Variants in FOXP1 observed in about 807,000 individuals in gnomAD.
FOXP1 encodes the protein forkhead box protein P1.
A neutral mutation model predicts 98.2 loss-of-function variants in FOXP1; 15 were observed. That is an observed-to-expected ratio of 0.15 (90% confidence interval 0.10 to 0.24). The LOEUF (loss-of-function observed/expected upper bound fraction) is 0.24, where lower values mean the gene tolerates loss of function less well. Ranked by LOEUF, FOXP1 falls within the 10% of genes least tolerant of loss-of-function variation. The pLI is 1.00. For synonymous variants in FOXP1, 371 were observed against 314.5 expected (o/e 1.18, Z -1.90); for missense variants, 633 against 848.5 (o/e 0.75, Z 3.15).
chr3:71,078,123 C>A (rs1226277476), intron 7 of FOXP1, among the ~76,000 whole-genome samples: 1 of 147,582 alleles, frequency 6.8e-6, no homozygotes, highest in African/African-American at 2.4e-5. Flanking sequence ...TGAACCACCC[C>A]GCCCGGCCTC....
chr3:71,583,360 G>A (rs1248490917), intron 1 of FOXP1: 4 of 774,676 alleles, frequency 5.2e-6, no homozygotes, highest in Non-Finnish European at 4.7e-6. Context: ...CCTCGACCCG[G>A]GGGGGAGAGG....
chr3:71,438,847 A>G (rs376076176), intron 3 of FOXP1, among the ~76,000 whole-genome samples: 1 of 152,116 alleles, frequency 6.6e-6, no homozygotes, highest in Non-Finnish European at 1.5e-5. Context: ...ACCGGAATAT[A>G]AAGTAAATTA....
At chr3:71,175,255 C>G (rs2061876629) in intron 6 of FOXP1, among the ~76,000 whole-genome samples, 1 of 152,200 alleles carries the variant, frequency 6.6e-6, no homozygotes. Flanking sequence ...ATATGTAAGC[C>G]ACCCAGAAAC....
intron 4 of FOXP1, among the ~76,000 whole-genome samples, chr3:71,340,112 TG>T (rs2076925791): frequency 6.6e-6 from 1 of 152,206 alleles, no homozygotes; most frequent in African/African-American, 2.4e-5. Context: ...TGTGTGTGCA[TG>T]GGTGCTTGCG....
At chr3:71,049,109 A>AG (rs1165479425) in intron 9 of FOXP1, among the ~76,000 whole-genome samples, 1 of 152,158 alleles carries the variant, frequency 6.6e-6, no homozygotes, top group Non-Finnish European at 1.5e-5. Context: ...CATACAAAAA[A>AG]GGTCTCCGTG....
chr3:71,165,247 T>TAA (rs34841115), intron 6 of FOXP1, among the ~76,000 whole-genome samples: 33,940 of 136,418 alleles, frequency 0.25, 4,618 homozygotes, highest in East Asian at 0.51. Flanking sequence ...TATTTTTTTG[T>TAA]AAAAAAAAAA....
intron 3 of FOXP1, among the ~76,000 whole-genome samples, chr3:71,449,312 C>T (rs1186150261): frequency 1.3e-5 from 2 of 152,192 alleles, no homozygotes; most frequent in South Asian, 2.1e-4. Context: ...TCAGCATTGA[C>T]AGCAAATGCC....
chr3:71,466,832 G>T (rs190938571), intron 3 of FOXP1, among the ~76,000 whole-genome samples: 1 of 152,212 alleles, frequency 6.6e-6, no homozygotes, highest in African/African-American at 2.4e-5. Flanking sequence ...CATGAGAGAC[G>T]CAGGTACAAG....
intron 3 of FOXP1, among the ~76,000 whole-genome samples, chr3:71,476,669 T>C (rs1043178832): frequency 1.3e-5 from 2 of 151,664 alleles, no homozygotes; most frequent in African/African-American, 4.8e-5. Flanking sequence ...TTTTTTTTTT[T>C]TTTTTTTGTA....
intron 5 of FOXP1, among the ~76,000 whole-genome samples, chr3:71,265,613 G>A (rs1300251927): frequency 1.3e-5 from 2 of 152,228 alleles, no homozygotes; most frequent in African/African-American, 4.8e-5. Flanking sequence ...CACAGAGGCA[G>A]AGAACAGAAA....
intron 13 of FOXP1, among the ~76,000 whole-genome samples, chr3:70,998,464 C>T (rs552870328): frequency 6.6e-6 from 1 of 152,274 alleles, no homozygotes; most frequent in Non-Finnish European, 1.5e-5. Context: ...CTGCTCTCAA[C>T]GAGGTCTATG....
At chr3:71,343,682 A>G (rs1362058348) in intron 4 of FOXP1, among the ~76,000 whole-genome samples, 1 of 151,292 alleles carries the variant, frequency 6.6e-6, no homozygotes, top group East Asian at 1.9e-4. Flanking sequence ...CTGAGACTAC[A>G]GGTGTGTACC....
At chr3:71,170,802 T>C (rs945808516) in intron 6 of FOXP1, among the ~76,000 whole-genome samples, 1 of 152,198 alleles carries the variant, frequency 6.6e-6, no homozygotes, top group Non-Finnish European at 1.5e-5. Flanking sequence ...GCGGCAAATT[T>C]ATACTCTTGA....
intron 7 of FOXP1, among the ~76,000 whole-genome samples, chr3:71,063,394 A>T (rs1216342489): frequency 6.6e-6 from 1 of 152,234 alleles, no homozygotes; most frequent in Non-Finnish European, 1.5e-5. Flanking sequence ...CAAACCCTAA[A>T]CTAGAATCTT....
chr3:70,966,363 G>C (rs771294637), intron 19 of FOXP1: 2 of 393,062 alleles, frequency 5.1e-6, no homozygotes, highest in South Asian at 2.3e-5. Flanking sequence ...GTTTATGTCG[G>C]ATGCGTTTTT....
intron 2 of FOXP1, among the ~76,000 whole-genome samples, chr3:71,550,926 A>G (rs9872351): frequency 0.11 from 16,730 of 152,226 alleles, 1,399 homozygotes; most frequent in African/African-American, 0.23. Flanking sequence ...GACACGATGA[A>G]GCCGCCATTG....
intron 11 of FOXP1, among the ~76,000 whole-genome samples, chr3:71,029,039 G>T (rs755160763): frequency 6.6e-6 from 1 of 152,170 alleles, no homozygotes; most frequent in Non-Finnish European, 1.5e-5. Flanking sequence ...ACCTCCTGCC[G>T]TGTGCCCTAA....
chr3:71,256,943 T>C (rs1446829351), intron 5 of FOXP1, among the ~76,000 whole-genome samples: 1 of 152,194 alleles, frequency 6.6e-6, no homozygotes, highest in African/African-American at 2.4e-5. Flanking sequence ...ATCTTAGCCA[T>C]CTTCTGTTCA....
At chr3:71,049,066 C>A (rs187503123) in intron 9 of FOXP1, among the ~76,000 whole-genome samples, 1 of 152,086 alleles carries the variant, frequency 6.6e-6, no homozygotes, top group African/African-American at 2.4e-5. Flanking sequence ...ACACAGGATA[C>A]GGGTCCATTT....
Sources: allele counts gnomAD v4.1 joint callset (sites outside exome capture counted in the v4.1 genomes callset), GRCh38; gene constraint gnomAD v4.1.1; transcripts MANE v1.5; gene names NCBI Gene and HGNC (gene_info 2026-07-23, HGNC 2026-07-21).